The following CWF19L2 variants were observed in gnomAD, a reference collection of about 807,000 sequenced individuals.
The protein encoded by CWF19L2 is CWF19-like protein 2.
In CWF19L2, 98 loss-of-function variants were observed where a neutral mutation model predicts 111.7. The observed-to-expected ratio is 0.88, with a 90% CI of 0.75 to 1.04. The LOEUF (loss-of-function observed/expected upper bound fraction) is 1.04. CWF19L2 is among the 50% of genes least tolerant of loss of function. The probability of loss-of-function intolerance (pLI) is 0.00; values close to 1 mark genes in which losing one functional copy is unlikely to be tolerated. For synonymous variants in CWF19L2, 351 were observed against 342.9 expected, an observed-to-expected ratio of 1.02 and a Z score of -0.26; for missense variants, 1,101 against 1,051.4, an observed-to-expected ratio of 1.05 and a Z score of -0.65.
rs66699460 is a variant in CWF19L2, at chr11:107,380,046, C to CAAAAAAAAAAAAAA, written c.1872+10014_1872+10027dup. ...TGGGCGACAGAGCGAGACACCGTCT[C>CAAAAAAAAAAAAAA]AAAAAAAAAAAAAAAAAAAAAAAAA... On this transcript the variant is annotated intron_variant, in intron 12 of 17. Coordinates refer to ENST00000282251, the MANE Select transcript of CWF19L2 (RefSeq NM_152434.3). Among the ~76,000 whole-genome samples the CAAAAAAAAAAAAAA allele has an allele frequency of 5.8e-4, 20 of 34,482 alleles. 2 individuals are homozygous for CAAAAAAAAAAAAAA. The highest frequency in any genetic ancestry group is 6.6e-4 in the Non-Finnish European group (13 of 19,580). 22.6% of individuals were successfully genotyped at this position (34,482 alleles called of 152,430 possible). A position where few individuals can be genotyped will look rare whatever the true frequency, so the allele number is the denominator to read the frequency against.
intron 10 of CWF19L2, among the ~76,000 whole-genome samples, chr11:107,409,729 A>G (rs1861130231): frequency 1.3e-5 from 2 of 152,160 alleles, no homozygotes; most frequent in Admixed American, 1.3e-4. Flanking sequence ...CACAAGTTAG[A>G]TGGAGAAGCT....
chr11:107,416,682 G>C (rs186436160), intron 9 of CWF19L2, among the ~76,000 whole-genome samples: 52 of 152,224 alleles, frequency 3.4e-4, no homozygotes, highest in Admixed American at 2.2e-3. Context: ...CTTTATTGTT[G>C]ATAATTTAGA....
At chr11:107,379,412 T>C (rs1211882807) in intron 12 of CWF19L2, among the ~76,000 whole-genome samples, 2 of 152,262 alleles carry the variant, frequency 1.3e-5, no homozygotes, top group African/African-American at 4.8e-5. Context: ...ACAGTCCTTC[T>C]ACAACAAAGA....
intron 12 of CWF19L2, among the ~76,000 whole-genome samples, chr11:107,371,856 G>A (rs545429220): frequency 7.3e-6 from 1 of 136,760 alleles, no homozygotes; most frequent in Non-Finnish European, 1.6e-5. Context: ...AACAAAAAAG[G>A]ACAACAAAAA....
intron 12 of CWF19L2, among the ~76,000 whole-genome samples, chr11:107,389,496 T>TA (rs1407956455): frequency 6.6e-6 from 1 of 152,152 alleles, no homozygotes; most frequent in Admixed American, 6.5e-5. Context: ...GTCTCTTTTA[T>TA]AAAAAATGTT....
intron 14 of CWF19L2, among the ~76,000 whole-genome samples, chr11:107,346,867 TGAAA>T (rs140317986): frequency 0.015 from 2,329 of 152,242 alleles, 55 homozygotes; most frequent in African/African-American, 0.052. Context: ...GACAGGAGGT[TGAAA>T]GAGTCTTTTT....
rs528608688 is a variant in CWF19L2, at chr11:107,354,103, T to C, written c.1873-367A>G. Among the ~76,000 whole-genome samples the C allele has an allele frequency of 3.0e-4, 45 of 149,388 alleles. No homozygotes were observed. The East Asian group carries it at 3.3e-3, about 11-fold the overall frequency. On this transcript the variant is annotated intron_variant, in intron 12 of 17. Coordinates refer to ENST00000282251, the MANE Select transcript of CWF19L2 (RefSeq NM_152434.3). ...ATACACTATATAGAATGTGGAACTT[T>C]TTTTTTTTTTTTAACCACATCTCCA...
At chr11:107,342,398 CT>C (rs926262778) in intron 14 of CWF19L2, among the ~76,000 whole-genome samples, 9 of 151,918 alleles carry the variant, frequency 5.9e-5, no homozygotes, top group South Asian at 4.2e-4. Context: ...CCTGAAACTT[CT>C]TTTTAAAGTT....
rs145828149 is a variant in CWF19L2, at chr11:107,402,873, G to GTATATATATATA, written c.1618-9990_1618-9979dup. Among the ~76,000 whole-genome samples, 320 of 94,370 alleles carry GTATATATATATA rather than the reference G, an allele frequency of 3.4e-3. 7 individuals are homozygous for GTATATATATATA. Among genetic ancestry groups the GTATATATATATA allele is most frequent in the African/African-American group, 7.9e-3 (163 of 20,672 alleles). 61.9% of individuals were successfully genotyped at this position (94,370 alleles called of 152,430 possible). ...CGAGTGGATAAACAAACTGTGGTGT[G>GTATATATATATA]TATATATATATATATATATATATAT... On this transcript the variant is annotated intron_variant, in intron 10 of 17. Transcript: ENST00000282251.
intron 4 of CWF19L2, 27 bp from the exon 5 acceptor site, chr11:107,441,649 AC>A (rs1367645382): frequency 6.7e-7 from 1 of 1,496,702 alleles, no homozygotes; most frequent in East Asian, 2.5e-5. Flanking sequence ...CATAAAATCA[AC>A]AGTCATCCAC....
At chr11:107,347,567 T>A (rs370599420) in intron 14 of CWF19L2, among the ~76,000 whole-genome samples, 2 of 152,222 alleles carry the variant, frequency 1.3e-5, no homozygotes, top group East Asian at 1.9e-4. Flanking sequence ...ACAACACCAT[T>A]ATTTGCATAA....
At chr11:107,455,820 A>C in intron 1 of CWF19L2, 44 bp from the exon 2 acceptor site, 2 of 1,192,836 alleles carry the variant, frequency 1.7e-6, no homozygotes, top group Non-Finnish European at 2.4e-6. Context: ...AATTGACCCA[A>C]CTGGGTTTCA....
At chr11:107,382,172 C>T (rs2134585197) in intron 12 of CWF19L2, among the ~76,000 whole-genome samples, 1 of 152,200 alleles carries the variant, frequency 6.6e-6, no homozygotes, top group South Asian at 2.1e-4. Flanking sequence ...ATGCTGGAGT[C>T]AATAGAATGT....
In CWF19L2 at chr11:107,442,824, G is replaced by T. The variant is rs1411028056; in HGVS notation, c.450+115C>A. The T allele has an allele frequency of 3.8e-5, 20 of 519,528 alleles. 2 individuals carry two copies. The highest frequency in any genetic ancestry group is 5.0e-4 in the Middle Eastern group (1 of 2,006). The allele number at this position is 519,528 out of a possible 1,614,324, so 32.2% of individuals were successfully genotyped here. On this transcript the variant is annotated intron_variant, in intron 4 of 17. Coordinates refer to ENST00000282251, the MANE Select transcript of CWF19L2 (RefSeq NM_152434.3). ...GGAGGGAGGGAGGGAGGGAGGGGGAGGGAGGGAGAGAGGGACAGAGAGGGA... is the reference window on the plus strand; with the variant it reads ...GGAGGGAGGGAGGGAGGGAGGGGGATGGAGGGAGAGAGGGACAGAGAGGGA...
chr11:107,339,978 T>C (rs868722857), intron 14 of CWF19L2, among the ~76,000 whole-genome samples: 14 of 152,140 alleles, frequency 9.2e-5, no homozygotes, highest in African/African-American at 2.9e-4. Context: ...AATTTCCTAA[T>C]TGGATTGTTT....
intron 17 of CWF19L2, 124 bp from the exon 18 acceptor site, chr11:107,327,177 T>G (rs1161082331): frequency 3.1e-6 from 3 of 974,588 alleles, no homozygotes; most frequent in Non-Finnish European, 4.4e-6. Flanking sequence ...TGTTCAAGCA[T>G]AAATACTAGT....
chr11:107,429,374 C>A lies in CWF19L2; in HGVS notation c.858G>T (p.Arg286=). 6.3e-7 allele frequency: 1 copy of A among 1,592,944 alleles called. No homozygotes were observed. The highest frequency in any genetic ancestry group is 8.6e-7 in the Non-Finnish European group (1 of 1,167,800). The change falls in exon 8 of 18, where the codon CGG becomes CGT. Residue 286 remains arginine, a synonymous_variant. Coordinates refer to ENST00000282251, the MANE Select transcript of CWF19L2 (RefSeq NM_152434.3). ...TATCTGAATATGTGGGTTTCCTCCA[C>A]CGTTCCCGTCTATAATCTTCTTTCG... ...ASTKEDYRRE[R]WRKPTYSDKA... is the part of the protein sequence containing the mutation.
At chr11:107,390,011 A>G in intron 12 of CWF19L2, 63 bp downstream of exon 12, 1 of 1,397,298 alleles carries the variant, frequency 7.2e-7, no homozygotes, top group Non-Finnish European at 9.9e-7. Flanking sequence ...CAAAAAGCAG[A>G]TCACTGTTAC....
rs1463871909 is a variant in CWF19L2 at position 107,355,771 on chromosome 11, C to T, written c.1873-2035G>A. On this transcript the variant is annotated intron_variant, in intron 12 of 17. Transcript: ENST00000282251. ...TTGATAGAACTGCCAAAGAAACAGA[C>T]AAATCCCAACTGTAATCACAGATTT... Among the ~76,000 whole-genome samples, 2 of 152,160 alleles carry T rather than the reference C, an allele frequency of 1.3e-5. 1 individual carries two copies. Among genetic ancestry groups the T allele is most frequent in the Middle Eastern group, 6.3e-3 (2 of 316 alleles).
Sources: allele counts gnomAD v4.1 joint callset (sites outside exome capture counted in the v4.1 genomes callset), GRCh38; gene constraint gnomAD v4.1.1; transcripts MANE v1.5; gene names NCBI Gene and HGNC (gene_info 2026-07-23, HGNC 2026-07-21).